The following PRKG1 variants were observed in gnomAD, a reference collection of about 807,000 sequenced individuals.
PRKG1 encodes the protein protein kinase cGMP-dependent 1.
Under a neutral mutation model 88.1 loss-of-function variants are expected in PRKG1, and 35 were observed. The observed-to-expected ratio is 0.40, with a 90% CI of 0.30 to 0.53. The LOEUF is 0.53. Ranked by LOEUF, PRKG1 falls within the 20% of genes least tolerant of loss-of-function variation. The pLI is 0.59. For missense variants in PRKG1, 540 were observed against 839.8 expected (o/e 0.64, Z 4.41); for synonymous variants, 303 against 292.5 (o/e 1.04, Z -0.37).
intron 12 of PRKG1, among the ~76,000 whole-genome samples, chr10:52,278,724 G>A (rs11001431): frequency 0.043 from 6,482 of 151,796 alleles, 240 homozygotes; most frequent in South Asian, 0.19. Context: ...TCAGGAGGTC[G>A]AACCCCCATC....
At chr10:51,851,594 G>T (rs2052673591) in intron 4 of PRKG1, among the ~76,000 whole-genome samples, 6 of 152,158 alleles carry the variant, frequency 3.9e-5, no homozygotes. Context: ...TCATTTAAAT[G>T]TATTACCTAT....
At chr10:51,882,820 A>G (rs1487988943) in intron 4 of PRKG1, among the ~76,000 whole-genome samples, 1 of 152,208 alleles carries the variant, frequency 6.6e-6, no homozygotes, top group African/African-American at 2.4e-5. Flanking sequence ...TCTGCCAGAC[A>G]TGGTCAGATA....
intron 2 of PRKG1, among the ~76,000 whole-genome samples, chr10:51,346,330 T>C (rs1263148975): frequency 5.3e-5 from 8 of 152,242 alleles, no homozygotes; most frequent in Non-Finnish European, 1.0e-4. Flanking sequence ...TGGGTTTTAT[T>C]TGAAGATAAA....
chr10:51,506,862 T>G (rs1009601941), intron 3 of PRKG1, among the ~76,000 whole-genome samples: 2 of 152,144 alleles, frequency 1.3e-5, no homozygotes, highest in African/African-American at 4.8e-5. Flanking sequence ...ATATGTTTAT[T>G]GCAGCACTAA....
At chr10:51,004,488 A>AAAAAC (rs1277186759) in intron 1 of PRKG1, among the ~76,000 whole-genome samples, 55 of 152,278 alleles carry the variant, frequency 3.6e-4, no homozygotes, top group Non-Finnish European at 2.2e-4. Context: ...AACAAAAACA[A>AAAAAC]AAAACAAAAC....
chr10:51,129,360 G>C (rs1426042696), intron 1 of PRKG1, among the ~76,000 whole-genome samples: 1 of 151,870 alleles, frequency 6.6e-6, no homozygotes, highest in African/African-American at 2.4e-5. Flanking sequence ...CATGATAATC[G>C]CTTGAACCCG....
intron 2 of PRKG1, among the ~76,000 whole-genome samples, chr10:51,412,486 T>C (rs1268360831): frequency 6.6e-6 from 1 of 151,806 alleles, no homozygotes; most frequent in Non-Finnish European, 1.5e-5. Context: ...CTACTAAAGA[T>C]ACAAAAAATT....
chr10:52,123,241 T>G (rs1435118093), intron 7 of PRKG1, among the ~76,000 whole-genome samples: 1 of 152,196 alleles, frequency 6.6e-6, no homozygotes, highest in Non-Finnish European at 1.5e-5. Flanking sequence ...ATTTAGTTAT[T>G]GTGTTCTCCC....
chr10:51,979,912 C>T (rs1843962223), intron 5 of PRKG1, among the ~76,000 whole-genome samples: 1 of 151,736 alleles, frequency 6.6e-6, no homozygotes, highest in Admixed American at 6.6e-5. Context: ...AGCAGTCTAT[C>T]TAATTTATAT....
chr10:51,245,628 T>C (rs1489565416), intron 2 of PRKG1: 1 of 152,088 alleles, frequency 6.6e-6, no homozygotes, highest in Non-Finnish European at 1.5e-5. Flanking sequence ...GGAACAGACA[T>C]GTATATAATT....
At chr10:52,077,567 A>G (rs1428109523) in intron 7 of PRKG1, among the ~76,000 whole-genome samples, 1 of 152,178 alleles carries the variant, frequency 6.6e-6, no homozygotes, top group African/African-American at 2.4e-5. Context: ...AAAGTTTTCG[A>G]GTTGTACATT....
At chr10:52,280,993 G>T (rs1015701541) in intron 13 of PRKG1, 63 bp downstream of exon 13, 2 of 1,520,654 alleles carry the variant, frequency 1.3e-6, no homozygotes, top group Admixed American at 2.0e-5. Flanking sequence ...ATAAAACTGT[G>T]TTCATTTGCT....
chr10:51,447,640 C>T (rs774423226), intron 2 of PRKG1, among the ~76,000 whole-genome samples: 5 of 131,330 alleles, frequency 3.8e-5, no homozygotes, highest in Admixed American at 3.0e-4. Flanking sequence ...ACCTCTTCCT[C>T]TTCATCTGCA....
At chr10:51,877,872 T>A (rs1841338323) in intron 4 of PRKG1, among the ~76,000 whole-genome samples, 1 of 152,208 alleles carries the variant, frequency 6.6e-6, no homozygotes, top group Admixed American at 6.5e-5. Flanking sequence ...AATTACTTTT[T>A]TAAATGAATG....
At chr10:51,854,866 AT>A (rs139064287) in intron 4 of PRKG1, among the ~76,000 whole-genome samples, 1,816 of 152,300 alleles carry the variant, frequency 0.012, 24 homozygotes, top group African/African-American at 0.041. Flanking sequence ...AAAAATATAT[AT>A]ACTGAGTGAA....
intron 14 of PRKG1, among the ~76,000 whole-genome samples, chr10:52,286,255 C>T (rs772543759): frequency 2.0e-5 from 3 of 152,034 alleles, no homozygotes; most frequent in African/African-American, 7.2e-5. Flanking sequence ...ACCTTCTCTA[C>T]AGCATCTTTA....
chr10:52,149,329 A>G (rs2132664216), intron 8 of PRKG1, among the ~76,000 whole-genome samples: 1 of 152,158 alleles, frequency 6.6e-6, no homozygotes, highest in East Asian at 1.9e-4. Flanking sequence ...TAAATAGCCC[A>G]AATACACAAG....
chr10:51,300,783 A>G (rs1322893730), intron 2 of PRKG1, among the ~76,000 whole-genome samples: 1 of 152,226 alleles, frequency 6.6e-6, no homozygotes, highest in Non-Finnish European at 1.5e-5. Context: ...TGCTCTCTCC[A>G]GAATTATATT....
chr10:52,095,215 G>C (rs1176458622), intron 7 of PRKG1, among the ~76,000 whole-genome samples: 1 of 151,964 alleles, frequency 6.6e-6, no homozygotes, highest in African/African-American at 2.4e-5. Context: ...TATTTCCTCT[G>C]CCTGGCATAT....
Sources: allele counts gnomAD v4.1 joint callset (sites outside exome capture counted in the v4.1 genomes callset), GRCh38; gene constraint gnomAD v4.1.1; transcripts MANE v1.5; gene names NCBI Gene and HGNC (gene_info 2026-07-23, HGNC 2026-07-21).